The following LMTK3 variants were observed in gnomAD, a reference collection of about 807,000 sequenced individuals.
LMTK3 encodes lemur tail kinase 3, also known as serine/threonine-protein kinase LMTK3.
A neutral mutation model predicts 116.7 loss-of-function variants in LMTK3; 27 were observed. The observed-to-expected ratio is 0.23, with a 90% CI of 0.17 to 0.32. LMTK3 has a LOEUF of 0.32. LMTK3 is among the 10% of genes least tolerant of loss of function. LMTK3 has a pLI of 1.00. For synonymous variants in LMTK3, 965 were observed against 971.0 expected (o/e 0.99, Z 0.11); for missense variants, 1,764 against 2,068.5 (o/e 0.85, Z 2.86).
chr19:48,489,166 C>A (rs532888631), intron 14 of LMTK3, among the ~76,000 whole-genome samples: 104 of 152,372 alleles, frequency 6.8e-4, no homozygotes, highest in African/African-American at 2.4e-3. Flanking sequence ...GAGGGCCAGG[C>A]AGGCTCACCC....
At chr19:48,505,645 T>A (rs1360537804) in intron 5 of LMTK3, among the ~76,000 whole-genome samples, 3 of 152,118 alleles carry the variant, frequency 2.0e-5, no homozygotes, top group African/African-American at 7.2e-5. Context: ...GTGGATCACC[T>A]GATGTCAGGA....
intron 14 of LMTK3, among the ~76,000 whole-genome samples, chr19:48,486,448 A>G (rs1457885059): frequency 6.6e-6 from 1 of 151,974 alleles, no homozygotes; most frequent in African/African-American, 2.4e-5. Context: ...TCAAGCAGTC[A>G]CCCCTGCACG....
intron 14 of LMTK3, among the ~76,000 whole-genome samples, chr19:48,489,933 G>A (rs1972193402): frequency 6.6e-6 from 1 of 152,170 alleles, no homozygotes; most frequent in African/African-American, 2.4e-5. Flanking sequence ...TCCCTGGCTC[G>A]GCAGCAGAGG....
rs1234826587 is a variant in LMTK3 at position 48,499,825 on chromosome 19, C to T, written c.1244G>A (p.Arg415Gln). 1 of 1,567,472 alleles carries T rather than the reference C, an allele frequency of 6.4e-7. No homozygotes were observed. Among genetic ancestry groups the T allele is most frequent in the South Asian group, 1.2e-5 (1 of 85,474 alleles). ...QLQLTYLLSE[R>Q]PPRPPPPPPP... The stretch of plus-strand genomic sequence containing the variant: ...TGGCGGCGGTGGGGGCCGGGGAGGC[C>T]GCTCGGAGAGCAAGTAGGTGAGCTG... Residue 415 changes from arginine (R) to glutamine (Q), a missense_variant, in exon 11 of 15, where the codon CGG becomes CAG. By Grantham distance (43) the Arg-to-Gln change is conservative. Transcript: ENST00000600059.
In LMTK3 at chr19:48,511,636, C is replaced by A. The variant is rs762894725; in HGVS notation, c.-60G>T. On this transcript the variant is annotated 5_prime_UTR_variant, in exon 1 of 15. Transcript: ENST00000600059. ...CGGCTGGGGAGGAGGGGGGGGCGGG[C>A]CCTCAGCCCCCAGCCATGGGGACCC... 1.7e-6 allele frequency: 1 copy of A among 604,814 alleles called. No individual in the cohort carries two copies. The highest frequency in any genetic ancestry group is 2.0e-5 in the African/African-American group (1 of 50,896). The allele number at this position is 604,814 out of a possible 1,614,324, so 37.5% of individuals were successfully genotyped here.
Position 48,485,705 on chromosome 19 carries a change from G to C in LMTK3, c.*68C>G. ...CGTCTGCGGTGGTGGCAGTGGCGCC[G>C]TCATCCACAGAGGATTCCATTCTCA... On this transcript the variant is annotated 3_prime_UTR_variant, in exon 15 of 15. Transcript: ENST00000600059. 1 of 1,550,806 alleles carries C rather than the reference G, an allele frequency of 6.4e-7. No individual in the cohort carries two copies. The highest frequency in any genetic ancestry group is 8.8e-7 in the Non-Finnish European group (1 of 1,135,414).
intron 11 of LMTK3, among the ~76,000 whole-genome samples, chr19:48,496,849 A>G (rs1177950567): frequency 1.3e-5 from 2 of 152,252 alleles, no homozygotes; most frequent in Non-Finnish European, 2.9e-5. Flanking sequence ...AAAACAAAAG[A>G]AATAAAAACC....
rs562441963 is a variant in LMTK3 at position 48,498,309 on chromosome 19, G to A, written c.2760C>T (p.Ser920=). 36 of 1,613,194 alleles carry A rather than the reference G, an allele frequency of 2.2e-5. No individual in the cohort carries two copies. The highest frequency in any genetic ancestry group is 3.0e-5 in the Non-Finnish European group (35 of 1,179,670). The change falls in exon 11 of 15, where the codon AGC becomes AGT. Residue 920 remains serine, a synonymous_variant. Coordinates refer to ENST00000600059, the MANE Select transcript of LMTK3 (RefSeq NM_001388485.1). ...GCACTGTCACCCCGTTCACTGGGAGGCTCAGGCTTGGGGCTTGTTTCCCGT... is the reference window on the plus strand; with the variant it reads ...GCACTGTCACCCCGTTCACTGGGAGACTCAGGCTTGGGGCTTGTTTCCCGT... The part of the protein sequence containing the change: ...LGNGKQAPSL[S]LPVNGVTVLE...
At chr19:48,513,266 AGCGTTTTACAC>A, upstream of LMTK3, 1 of 1,080,142 alleles carries the variant, frequency 9.3e-7, no homozygotes, top group East Asian at 2.6e-5. The surrounding 1 kb of genome is among the most constrained non-coding windows in gnomAD (Gnocchi z 5.6). Context: ...TATCGTCCGC[AGCGTTTTACAC>A]GTACAGAATT....
At chr19:48,502,628 C>T (rs1372872869) in intron 6 of LMTK3, 47 bp from the exon 7 acceptor site, 26 of 1,510,442 alleles carry the variant, frequency 1.7e-5, no homozygotes, top group East Asian at 7.0e-5. Context: ...GCTCAGGTCT[C>T]CAGCTAGTCG....
intron 3 of LMTK3, 38 bp from the exon 4 acceptor site, chr19:48,509,551 C>T (rs1187049820): frequency 6.6e-6 from 10 of 1,511,932 alleles, no homozygotes; most frequent in African/African-American, 1.4e-5. Flanking sequence ...TGAGTCTCTC[C>T]CCCTTCCTGA....
chr19:48,497,301 A>C lies in LMTK3; in HGVS notation c.3676+92T>G. 23 of 1,332,758 alleles carry C rather than the reference A, an allele frequency of 1.7e-5. No individual in the cohort carries two copies. Among genetic ancestry groups the C allele is most frequent in the Non-Finnish European group, 2.2e-5 (23 of 1,026,996 alleles). 82.6% of individuals were successfully genotyped at this position (1,332,758 alleles called of 1,614,324 possible). On this transcript the variant is annotated intron_variant, in intron 11 of 14. Transcript: ENST00000600059. This position sits in a 1 kb window ranked among gnomAD's most constrained non-coding sequence, Gnocchi z 5.7. Reference sequence around the variant, plus strand: ...TTCAGGACCTGCATTCATCACTGCCAGCCCGACCCGACATGTTTACCCACA... The same window carrying C: ...TTCAGGACCTGCATTCATCACTGCCCGCCCGACCCGACATGTTTACCCACA...
chr19:48,489,731 T>C (rs1373075323), intron 14 of LMTK3, among the ~76,000 whole-genome samples: 3 of 152,186 alleles, frequency 2.0e-5, no homozygotes, highest in Non-Finnish European at 2.9e-5. Flanking sequence ...ATGAGGGAAC[T>C]GAAGCACAGA....
At position 48,489,389 on chromosome 19, in the gene LMTK3, A is replaced by G. The variant is rs568935027; in HGVS notation, c.4366+1719T>C. ...GGAGTTCAAGACCAGCCTGTCCAAC[A>G]TGGTGAAACCCCGTCTCTACTAAAA... On this transcript the variant is annotated intron_variant, in intron 14 of 14. Transcript: ENST00000600059. Among the ~76,000 whole-genome samples the G allele has an allele frequency of 1.1e-4, 17 of 152,282 alleles. No individual in the cohort carries two copies. The East Asian group carries it at 1.5e-3, about 14-fold the overall frequency.
rs749142865 is a variant in LMTK3 at position 48,491,266 on chromosome 19, G to A, written c.4229-21C>T. The A allele has an allele frequency of 2.9e-6, 4 of 1,387,950 alleles. No individual in the cohort carries two copies. The highest frequency in any genetic ancestry group is 3.4e-5 in the South Asian group (2 of 59,682). 86.0% of individuals were successfully genotyped at this position (1,387,950 alleles called of 1,614,324 possible). On this transcript the variant is annotated intron_variant, in intron 13 of 14. Coordinates refer to ENST00000600059, the MANE Select transcript of LMTK3 (RefSeq NM_001388485.1). This position sits in a 1 kb window ranked among gnomAD's most constrained non-coding sequence, Gnocchi z 5.1. ...GCCTCCTGCGGCAGAAGGAAAGACCGCGGTCAGGCTGCAGACACCTGCGGC... is the reference window on the plus strand; with the variant it reads ...GCCTCCTGCGGCAGAAGGAAAGACCACGGTCAGGCTGCAGACACCTGCGGC...
rs772108575 is a variant in LMTK3, at chr19:48,499,767, G to A, written c.1302C>T (p.Pro434=). ...GGGGCGCACTGTGTGCAGGGGGCCAGGGCCAGGGGAAGGGACCGTCTCGGG... is the reference window on the plus strand; with the variant it reads ...GGGGCGCACTGTGTGCAGGGGGCCAAGGCCAGGGGAAGGGACCGTCTCGGG... The part of the protein sequence containing the change: ...PPPRDGPFPW[P]WPPAHSAPRP... Residue 434 remains proline (P), a synonymous_variant, in exon 11 of 15, where the codon CCC becomes CCT. Transcript: ENST00000600059. 7 of 1,537,588 alleles carry A rather than the reference G, an allele frequency of 4.6e-6. No homozygotes were observed. Among genetic ancestry groups the A allele is most frequent in the Non-Finnish European group, 1.8e-6 (2 of 1,140,608 alleles).
chr19:48,497,288 A>T lies in LMTK3; in HGVS notation c.3676+105T>A. The T allele has an allele frequency of 7.9e-7, 1 of 1,260,206 alleles. No homozygotes were observed. The highest frequency in any genetic ancestry group is 1.0e-6 in the Non-Finnish European group (1 of 971,028). The allele number at this position is 1,260,206 out of a possible 1,614,324, so 78.1% of individuals were successfully genotyped here. On this transcript the variant is annotated intron_variant, in intron 11 of 14. Transcript: ENST00000600059. The surrounding 1 kb of genome is among the most constrained non-coding windows in gnomAD (Gnocchi z 5.7). ...AGGTGGTGCAGGCTTCAGGACCTGCATTCATCACTGCCAGCCCGACCCGAC... is the reference window on the plus strand; with the variant it reads ...AGGTGGTGCAGGCTTCAGGACCTGCTTTCATCACTGCCAGCCCGACCCGAC...
At position 48,498,249 on chromosome 19, in the gene LMTK3, C is replaced by T. The variant is rs754851655; in HGVS notation, c.2820G>A (p.Glu940=). The T allele has an allele frequency of 1.2e-6, 2 of 1,613,672 alleles. No individual in the cohort carries two copies. The highest frequency in any genetic ancestry group is 1.7e-6 in the Non-Finnish European group (2 of 1,179,828). The change falls in exon 11 of 15, where the codon GAG becomes GAA. Residue 940 remains glutamate, a synonymous_variant. Transcript: ENST00000600059. ...GGGCCCCATTCTCCGCCGCCTTCTC[C>T]TCGATGCCTGGGGCTCTCTGGTCCC... ...ENGDQRAPGI[E]EKAAENGALG...
At chr19:48,485,869 G>A (rs1320773696) in intron 14 of LMTK3, 80 bp from the exon 15 acceptor site, 2 of 1,427,824 alleles carry the variant, frequency 1.4e-6, no homozygotes, top group Non-Finnish European at 1.9e-6. Flanking sequence ...CAGCGGAAAA[G>A]CAAAGCCCTC....
Sources: allele counts gnomAD v4.1 joint callset (sites outside exome capture counted in the v4.1 genomes callset), GRCh38; gene constraint gnomAD v4.1.1; non-coding constraint Gnocchi (gnomAD v3.1); transcripts MANE v1.5; gene names NCBI Gene and HGNC (gene_info 2026-07-23, HGNC 2026-07-21).